The following PPFIBP2 variants were observed in gnomAD, a reference collection of about 807,000 sequenced individuals.
The protein encoded by PPFIBP2 is liprin-beta-2.
PPFIBP2 carries 118 observed loss-of-function variants against 118.3 expected under a neutral mutation model. That is an observed-to-expected ratio of 1.00 (90% confidence interval 0.86 to 1.16). The LOEUF is 1.16. Among genes scored for constraint, PPFIBP2 ranks in the 50% most tolerant of loss-of-function variants. PPFIBP2 has a pLI of 0.00. For missense variants in PPFIBP2, 1,195 were observed against 1,073.1 expected (o/e 1.11, Z -1.59); for synonymous variants, 414 against 397.4 (o/e 1.04, Z -0.50).
chr11:7,551,812 A>G (rs1020023190), intron 2 of PPFIBP2, among the ~76,000 whole-genome samples: 5 of 152,260 alleles, frequency 3.3e-5, no homozygotes, highest in Admixed American at 6.5e-5. Context: ...GAAATGACAG[A>G]GCCTCTGGCA....
chr11:7,516,006 A>T (rs1849196537), intron 1 of PPFIBP2, among the ~76,000 whole-genome samples: 1 of 152,218 alleles, frequency 6.6e-6, no homozygotes, highest in Non-Finnish European at 1.5e-5. Flanking sequence ...GAGCTTGCTG[A>T]TCATTTCCCT....
intron 3 of PPFIBP2, among the ~76,000 whole-genome samples, chr11:7,591,383 G>T (rs985448465): frequency 3.3e-5 from 5 of 151,566 alleles, no homozygotes; most frequent in African/African-American, 1.2e-4. Flanking sequence ...CCTGGGTCCT[G>T]TTTAATTCTC....
At chr11:7,562,915 T>C (rs1158943932) in intron 2 of PPFIBP2, among the ~76,000 whole-genome samples, 3 of 136,324 alleles carry the variant, frequency 2.2e-5, no homozygotes, top group Non-Finnish European at 4.7e-5. Flanking sequence ...TTCAAAGAAA[T>C]AGAAATTAAA....
intron 4 of PPFIBP2, among the ~76,000 whole-genome samples, chr11:7,594,164 C>T (rs543198745): frequency 3.9e-5 from 6 of 152,128 alleles, no homozygotes; most frequent in Non-Finnish European, 7.3e-5. Flanking sequence ...ACTTATTTTA[C>T]TCTTTCATTG....
intron 1 of PPFIBP2, among the ~76,000 whole-genome samples, chr11:7,518,003 G>A (rs372844235): frequency 3.0e-4 from 46 of 152,356 alleles, no homozygotes; most frequent in African/African-American, 1.0e-3. Context: ...TTTCATTGCC[G>A]TACTTGAAAC....
Position 7,630,998 on chromosome 11 carries a change from T to G in PPFIBP2, c.1038T>G (p.Asn346Lys), listed in dbSNP as rs774307080. ...GTTTCAGCAAGTGGAACGCTACAAATAAGGACCCTGAAGAATTATTTAAAC... is the reference window on the plus strand; with the variant it reads ...GTTTCAGCAAGTGGAACGCTACAAAGAAGGACCCTGAAGAATTATTTAAAC... ...EGGFSKWNAT[N>K]KDPEELFKQE... The change falls in exon 11 of 24, where the codon AAT (asparagine) becomes AAG (lysine). Residue 346 changes from asparagine (N) to lysine (K), a missense_variant. Physicochemically the swap from Asn to Lys is moderately conservative, Grantham distance 94 (BLOSUM62 0). Transcript: ENST00000299492. 12 of 1,613,850 alleles carry G rather than the reference T, an allele frequency of 7.4e-6. No individual in the cohort carries two copies. Among genetic ancestry groups the G allele is most frequent in the Non-Finnish European group, 1.0e-5 (12 of 1,179,756 alleles).
At chr11:7,550,010 A>G (rs1204797827) in intron 2 of PPFIBP2, among the ~76,000 whole-genome samples, 2 of 152,216 alleles carry the variant, frequency 1.3e-5, no homozygotes, top group East Asian at 3.8e-4. Context: ...AATTTTCTTT[A>G]TGCCATATTG....
At chr11:7,537,821 GCTCCCCA>G (rs1050645551) in intron 1 of PPFIBP2, among the ~76,000 whole-genome samples, 1 of 151,868 alleles carries the variant, frequency 6.6e-6, no homozygotes, top group South Asian at 2.1e-4. Flanking sequence ...TGCCCTCCCC[GCTCCCCA>G]CTCCCCAATC....
At chr11:7,525,209 G>A (rs922153543) in intron 1 of PPFIBP2, among the ~76,000 whole-genome samples, 10 of 151,786 alleles carry the variant, frequency 6.6e-5, no homozygotes, top group African/African-American at 2.4e-4. Flanking sequence ...GAATCAGACA[G>A]TCCTCGATTA....
chr11:7,557,489 C>CTTT (rs57734219), intron 2 of PPFIBP2, among the ~76,000 whole-genome samples: 9 of 107,910 alleles, frequency 8.3e-5, no homozygotes, highest in South Asian at 2.8e-4. Flanking sequence ...CTCATTGGCA[C>CTTT]TTTTTTTTTT....
chr11:7,531,432 A>G (rs529979018), intron 1 of PPFIBP2, among the ~76,000 whole-genome samples: 52 of 152,278 alleles, frequency 3.4e-4, no homozygotes, highest in Non-Finnish European at 3.7e-4. Context: ...TGGCCTCACT[A>G]AATGGTCTCG....
At chr11:7,516,009 AT>A (rs1564929543) in intron 1 of PPFIBP2, among the ~76,000 whole-genome samples, 2 of 152,224 alleles carry the variant, frequency 1.3e-5, no homozygotes. Flanking sequence ...CTTGCTGATC[AT>A]TTCCCTATGT....
At position 7,641,626 on chromosome 11, in the gene PPFIBP2, T is replaced by G. The variant is rs1565110536; in HGVS notation, c.1517+6T>G. On this transcript the variant is annotated splice_donor_region_variant and intron_variant, in intron 16 of 23. Coordinates refer to ENST00000299492, the MANE Select transcript of PPFIBP2 (RefSeq NM_003621.5). Reference sequence around the variant, plus strand: ...ATTAAGAAGTTCTGGGGAAAGTAAGTTGGTGCCGTTGATCCTAATTATATT... The same window carrying G: ...ATTAAGAAGTTCTGGGGAAAGTAAGGTGGTGCCGTTGATCCTAATTATATT... The G allele has an allele frequency of 6.2e-7, 1 of 1,613,380 alleles. No homozygotes were observed. The highest frequency in any genetic ancestry group is 8.5e-7 in the Non-Finnish European group (1 of 1,179,540).
chr11:7,654,128 ACT>A (rs937999347), downstream of PPFIBP2, among the ~76,000 whole-genome samples: 5 of 151,816 alleles, frequency 3.3e-5, no homozygotes, highest in Admixed American at 6.6e-5. Context: ...TGCTGGAAAG[ACT>A]CTCTTTCATG....
chr11:7,514,239 G>A (rs139414149), intron 1 of PPFIBP2, 118 bp downstream of exon 1: 2 of 152,388 alleles, frequency 1.3e-5, no homozygotes, highest in African/African-American at 4.8e-5. Flanking sequence ...GGACGTGTGG[G>A]TCAGTGTCTC....
intron 3 of PPFIBP2, among the ~76,000 whole-genome samples, chr11:7,570,726 A>G (rs1855566799): frequency 6.6e-6 from 1 of 152,160 alleles, no homozygotes; most frequent in African/African-American, 2.4e-5. Context: ...GTGAAAGCAG[A>G]TTGAACCAGG....
chr11:7,624,061 T>A (rs1849667294), intron 7 of PPFIBP2, among the ~76,000 whole-genome samples: 2 of 152,148 alleles, frequency 1.3e-5, no homozygotes, highest in South Asian at 4.1e-4. Flanking sequence ...CCCCTTGTCA[T>A]CTCTTTATAT....
chr11:7,541,564 G>A (rs1200055012), intron 1 of PPFIBP2, among the ~76,000 whole-genome samples: 3 of 152,160 alleles, frequency 2.0e-5, no homozygotes, highest in African/African-American at 7.2e-5. Flanking sequence ...CTTCTCCCCG[G>A]TGGCTGCATG....
At chr11:7,525,693 G>A (rs1316489892) in intron 1 of PPFIBP2, among the ~76,000 whole-genome samples, 2 of 152,218 alleles carry the variant, frequency 1.3e-5, no homozygotes, top group Non-Finnish European at 2.9e-5. Context: ...CTGCCCTTAG[G>A]CCCTGAAAAT....
Sources: allele counts gnomAD v4.1 joint callset (sites outside exome capture counted in the v4.1 genomes callset), GRCh38; gene constraint gnomAD v4.1.1; transcripts MANE v1.5; gene names NCBI Gene and HGNC (gene_info 2026-07-23, HGNC 2026-07-21).